Variants in STON2 observed in about 807,000 individuals in gnomAD.
STON2 encodes stonin 2.
In STON2, 29 loss-of-function variants were observed where a neutral mutation model predicts 65.7. The observed-to-expected ratio is 0.44, with a 90% CI of 0.33 to 0.60. The LOEUF (loss-of-function observed/expected upper bound fraction) is 0.60. Among genes scored for constraint, STON2 ranks in the 20% least tolerant of loss-of-function variants. The pLI is 0.03. For missense variants in STON2, 1,054 were observed against 1,118.1 expected (o/e 0.94, Z 0.82); for synonymous variants, 404 against 414.2 (o/e 0.98, Z 0.30).
intron 5 of STON2, among the ~76,000 whole-genome samples, chr14:81,288,895 A>T (rs2140149997): frequency 6.6e-6 from 1 of 151,980 alleles, no homozygotes; most frequent in African/African-American, 2.4e-5. Flanking sequence ...AGCCAGAAAA[A>T]GTACTTCCTG....
At chr14:81,302,724 G>C (rs368600031) in intron 5 of STON2, among the ~76,000 whole-genome samples, 2 of 152,194 alleles carry the variant, frequency 1.3e-5, no homozygotes, top group African/African-American at 4.8e-5. Context: ...AAGAGACAGC[G>C]GACTTGTGCT....
intron 7 of STON2, chr14:81,269,704 G>A: frequency 1.0e-6 from 1 of 985,014 alleles, no homozygotes; most frequent in Non-Finnish European, 1.2e-6. Context: ...TAAATCCAAG[G>A]ATATTATTAT....
At position 81,268,115 on chromosome 14, in the gene STON2, G is replaced by C; in HGVS notation, c.*299C>G. Reference sequence around the variant, plus strand: ...ACAACAAACCACATACCAGTGCTGTGAGATAAGCAGAGACAAGACAAGGAG... The same window carrying C: ...ACAACAAACCACATACCAGTGCTGTCAGATAAGCAGAGACAAGACAAGGAG... On this transcript the variant is annotated 3_prime_UTR_variant, in exon 8 of 8. Transcript: ENST00000614646. 9.5e-7 allele frequency: 1 copy of C among 1,049,370 alleles called. No individual in the cohort carries two copies. The highest frequency in any genetic ancestry group is 1.2e-6 in the Non-Finnish European group (1 of 868,752). 65.0% of individuals were successfully genotyped at this position (1,049,370 alleles called of 1,614,324 possible).
At chr14:81,420,165 C>T (rs1901634220) in intron 2 of STON2, among the ~76,000 whole-genome samples, 1 of 152,172 alleles carries the variant, frequency 6.6e-6, no homozygotes, top group African/African-American at 2.4e-5. Flanking sequence ...AGTGAAAGGA[C>T]CTGCAGTAGT....
chr14:81,340,108 C>A (rs567546169), intron 4 of STON2, among the ~76,000 whole-genome samples: 27 of 152,268 alleles, frequency 1.8e-4, no homozygotes, highest in African/African-American at 6.5e-4. Context: ...AAGCCCAGAT[C>A]GCGCCACCGC....
intron 3 of STON2, among the ~76,000 whole-genome samples, chr14:81,371,694 A>C (rs539729053): frequency 6.6e-6 from 1 of 151,540 alleles, no homozygotes; most frequent in Admixed American, 6.6e-5. Flanking sequence ...AAAAAAAAGA[A>C]AAGAAAAGAA....
chr14:81,282,360 C>A (rs938056573), intron 5 of STON2, among the ~76,000 whole-genome samples: 1 of 152,280 alleles, frequency 6.6e-6, no homozygotes, highest in East Asian at 1.9e-4. Flanking sequence ...GTTTCAATTC[C>A]ATACCTACGG....
intron 5 of STON2, among the ~76,000 whole-genome samples, chr14:81,313,809 ATACACAC>A (rs1896521981): frequency 2.5e-5 from 2 of 78,746 alleles, no homozygotes; most frequent in Admixed American, 1.2e-4. Flanking sequence ...AAAAAAAAAA[ATACACAC>A]ACACACACAC....
At chr14:81,288,622 G>A (rs980036558) in intron 5 of STON2, among the ~76,000 whole-genome samples, 9 of 152,160 alleles carry the variant, frequency 5.9e-5, no homozygotes, top group African/African-American at 9.7e-5. Context: ...CTTATGAGCC[G>A]ATCAAAGAGA....
At chr14:81,364,734 C>T (rs568370621) in intron 4 of STON2, among the ~76,000 whole-genome samples, 5 of 152,202 alleles carry the variant, frequency 3.3e-5, no homozygotes, top group South Asian at 2.1e-4. Flanking sequence ...GGGGGCACAG[C>T]GTGACCTAAT....
At chr14:81,393,718 A>T (rs1454564539) in intron 3 of STON2, among the ~76,000 whole-genome samples, 1 of 152,228 alleles carries the variant, frequency 6.6e-6, no homozygotes, top group Admixed American at 6.5e-5. Context: ...ATTAAGCAGA[A>T]GGAACATTAT....
intron 1 of STON2, chr14:81,427,484 T>C (rs1254595091): frequency 6.6e-6 from 1 of 152,072 alleles, no homozygotes; most frequent in African/African-American, 2.4e-5. Context: ...TGCTCAGGAA[T>C]CGGGAACTTA....
intron 1 of STON2, among the ~76,000 whole-genome samples, chr14:81,428,167 A>G (rs1902075407): frequency 6.6e-6 from 1 of 152,258 alleles, no homozygotes; most frequent in African/African-American, 2.4e-5. Flanking sequence ...TGATAATTTC[A>G]GCAATGATAA....
intron 4 of STON2, among the ~76,000 whole-genome samples, chr14:81,359,468 A>C (rs1325349572): frequency 6.6e-6 from 1 of 152,228 alleles, no homozygotes; most frequent in Non-Finnish European, 1.5e-5. Flanking sequence ...GTACACCTCA[A>C]GAAAACAGAG....
chr14:81,270,655 G>T lies in STON2; in HGVS notation c.2784+15C>A. On this transcript the variant is annotated intron_variant, in intron 7 of 7. Coordinates refer to ENST00000614646, the MANE Select transcript of STON2 (RefSeq NM_001394390.1). ...ATGGAGTTGGAAGCATTAGCCAGAT[G>T]CTTCCCAAGGCTACCTGGTAGCTGT... 1 of 1,614,182 alleles carries T rather than the reference G, an allele frequency of 6.2e-7. No individual in the cohort carries two copies. Among genetic ancestry groups the T allele is most frequent in the Non-Finnish European group, 8.5e-7 (1 of 1,180,040 alleles).
intron 4 of STON2, among the ~76,000 whole-genome samples, chr14:81,368,933 C>G (rs1198781069): frequency 6.6e-6 from 1 of 152,172 alleles, no homozygotes; most frequent in Non-Finnish European, 1.5e-5. Flanking sequence ...TTTGCCGCTT[C>G]CAACCTCAGA....
intron 5 of STON2, among the ~76,000 whole-genome samples, chr14:81,320,952 C>A (rs1033418259): frequency 3.9e-5 from 6 of 152,218 alleles, no homozygotes; most frequent in African/African-American, 1.4e-4. Context: ...TTAAAGACTA[C>A]AGGCTGATGC....
At position 81,392,257 on chromosome 14, in the gene STON2, G is replaced by T. The variant is rs556386003; in HGVS notation, c.373+3637C>A. Among the ~76,000 whole-genome samples, 24 of 152,262 alleles carry T rather than the reference G, an allele frequency of 1.6e-4. No homozygotes were observed. In the South Asian group the frequency reaches 4.6e-3, roughly 29 times the overall value. Reference sequence around the variant, plus strand: ...AACTCCAACTGGCCTGTGCACTGGGGTGGAGCTGCGGAAGTTTGTGCCACT... The same window carrying T: ...AACTCCAACTGGCCTGTGCACTGGGTTGGAGCTGCGGAAGTTTGTGCCACT... On this transcript the variant is annotated intron_variant, in intron 3 of 7. Coordinates refer to ENST00000614646, the MANE Select transcript of STON2 (RefSeq NM_001394390.1).
chr14:81,419,688 C>A (rs997820745), intron 2 of STON2, among the ~76,000 whole-genome samples: 3 of 152,194 alleles, frequency 2.0e-5, no homozygotes, highest in Non-Finnish European at 4.4e-5. Flanking sequence ...GTTCTTCCCT[C>A]TTCCACCTCC....
Sources: gnomAD v4.1 joint callset for allele counts (sites outside exome capture counted in the v4.1 genomes callset) on GRCh38, gnomAD v4.1.1 for gene constraint, MANE v1.5 for transcripts, NCBI Gene and HGNC (gene_info 2026-07-23, HGNC 2026-07-21) for gene names.